NRG1: variants seen among roughly 807,000 people sequenced by gnomAD.
The protein encoded by NRG1 is neuregulin 1, also known as pro-neuregulin-1, membrane-bound isoform.
A neutral mutation model predicts 63.8 loss-of-function variants in NRG1; 18 were observed. The ratio of observed to expected loss-of-function variants is 0.28; its 90% CI spans 0.19 to 0.42. NRG1 has a LOEUF of 0.42. NRG1 is among the 10% of genes least tolerant of loss of function. NRG1 has a pLI of 1.00. For synonymous variants in NRG1, 302 were observed against 301.3 expected, an observed-to-expected ratio of 1.00 and a Z score of -0.02; for missense variants, 762 against 814.7, an observed-to-expected ratio of 0.94 and a Z score of 0.79.
intron 1 of NRG1, among the ~76,000 whole-genome samples, chr8:31,678,174 C>A (rs1041925440): frequency 6.6e-6 from 1 of 152,074 alleles, no homozygotes; most frequent in African/African-American, 2.4e-5. Context: ...CACAGGGCAG[C>A]ATTTTCTAAT....
At chr8:32,253,687 A>G (rs147871893) in intron 1 of NRG1, among the ~76,000 whole-genome samples, 24,877 of 152,168 alleles carry the variant, frequency 0.16, 2,196 homozygotes, top group East Asian at 0.28. Flanking sequence ...TTTTGCTATC[A>G]GGATGATGCT....
At chr8:32,618,979 A>C (rs768541440) in intron 5 of NRG1, among the ~76,000 whole-genome samples, 15 of 152,142 alleles carry the variant, frequency 9.9e-5, no homozygotes, top group Admixed American at 5.9e-4. Context: ...TTGGGAGGCC[A>C]AGGCGGGAAG....
intron 5 of NRG1, among the ~76,000 whole-genome samples, chr8:32,727,727 T>G (rs1200093495): frequency 1.3e-5 from 2 of 152,222 alleles, no homozygotes; most frequent in South Asian, 4.1e-4. Context: ...TATTTAGTTA[T>G]AGTAAAATTA....
intron 1 of NRG1, among the ~76,000 whole-genome samples, chr8:32,595,174 C>CTTTTTAT (rs750201296): frequency 6.6e-6 from 1 of 151,990 alleles, no homozygotes; most frequent in Non-Finnish European, 1.5e-5. Flanking sequence ...ACATATTCTC[C>CTTTTTAT]TTTTTATTTT....
intron 1 of NRG1, among the ~76,000 whole-genome samples, chr8:31,892,292 A>G (rs892266840): frequency 1.3e-5 from 2 of 152,098 alleles, no homozygotes; most frequent in Admixed American, 1.3e-4. Flanking sequence ...AGCATAATGA[A>G]TCTACCAGTC....
intron 1 of NRG1, among the ~76,000 whole-genome samples, chr8:31,754,278 A>G (rs1816754560): frequency 6.6e-6 from 1 of 152,116 alleles, no homozygotes; most frequent in Non-Finnish European, 1.5e-5. Flanking sequence ...AGGTAACTAA[A>G]TTATAGGGAT....
chr8:32,419,033 C>A (rs1041299229), intron 1 of NRG1, among the ~76,000 whole-genome samples: 2 of 152,168 alleles, frequency 1.3e-5, no homozygotes, highest in Non-Finnish European at 2.9e-5. Context: ...AAAATAGGTT[C>A]TTCTCAACAC....
intron 1 of NRG1, among the ~76,000 whole-genome samples, chr8:31,886,426 A>G (rs1830720658): frequency 6.6e-6 from 1 of 152,140 alleles, no homozygotes; most frequent in African/African-American, 2.4e-5. Context: ...TTGTATGATT[A>G]CAAAATAAAT....
At chr8:31,764,782 A>T (rs913217641) in intron 1 of NRG1, among the ~76,000 whole-genome samples, 2 of 151,812 alleles carry the variant, frequency 1.3e-5, no homozygotes, top group African/African-American at 4.8e-5. Context: ...GTACATGTGC[A>T]CATTGTGCAG....
chr8:32,513,243 C>T (rs898134504), intron 1 of NRG1, among the ~76,000 whole-genome samples: 1 of 150,688 alleles, frequency 6.6e-6, no homozygotes, highest in Non-Finnish European at 1.5e-5. Context: ...TCTTTTTAGT[C>T]GTTCTTTTTT....
chr8:32,226,212 C>T (rs899333964), intron 1 of NRG1, among the ~76,000 whole-genome samples: 1 of 152,124 alleles, frequency 6.6e-6, no homozygotes, highest in East Asian at 1.9e-4. Context: ...CTGATTTGGC[C>T]AACTTTTTCT....
chr8:31,837,255 A>G (rs913730702), intron 1 of NRG1, among the ~76,000 whole-genome samples: 1 of 152,044 alleles, frequency 6.6e-6, no homozygotes, highest in Non-Finnish European at 1.5e-5. Flanking sequence ...AAATTTTTAC[A>G]TAAACAGATA....
At chr8:32,762,665 A>G (rs868432358) in intron 11 of NRG1, among the ~76,000 whole-genome samples, 1 of 152,190 alleles carries the variant, frequency 6.6e-6, no homozygotes, top group Non-Finnish European at 1.5e-5. Context: ...ATGGCATTCC[A>G]TGTCATTTCA....
chr8:32,041,635 A>T (rs1248204944), intron 1 of NRG1, among the ~76,000 whole-genome samples: 1 of 152,176 alleles, frequency 6.6e-6, no homozygotes, highest in Non-Finnish European at 1.5e-5. Flanking sequence ...AGCTCTCAGG[A>T]CGAGAAAGTA....
chr8:32,299,558 C>T (rs1406318314), intron 1 of NRG1, among the ~76,000 whole-genome samples: 1 of 152,150 alleles, frequency 6.6e-6, no homozygotes, highest in Non-Finnish European at 1.5e-5. Context: ...AATAATTTCG[C>T]TCCCTGTGTT....
At chr8:32,430,156 T>C (rs1817944069) in intron 1 of NRG1, among the ~76,000 whole-genome samples, 1 of 152,170 alleles carries the variant, frequency 6.6e-6, no homozygotes, top group Non-Finnish European at 1.5e-5. Context: ...TAATGTAAGC[T>C]TGACTCATTC....
chr8:31,717,780 A>G (rs1812506971), intron 1 of NRG1, among the ~76,000 whole-genome samples: 1 of 152,146 alleles, frequency 6.6e-6, no homozygotes, highest in Non-Finnish European at 1.5e-5. Flanking sequence ...ACCTAGCTGA[A>G]TGAAAAATAA....
rs184024061 is a variant in NRG1 at position 31,872,696 on chromosome 8, G to A, written c.37+233265G>A. Among the ~76,000 whole-genome samples, 6 of 152,280 alleles carry A rather than the reference G, an allele frequency of 3.9e-5. No individual in the cohort carries two copies. The East Asian group carries it at 1.2e-3, about 29-fold the overall frequency. On this transcript the variant is annotated intron_variant, in intron 1 of 10. Coordinates refer to the NRG1 transcript ENST00000519301. Reference sequence around the variant, plus strand: ...AACCTCAATTTATTCAGTCTTCTGAGATAATGTAAGAGTAAAGCATGGAAA... The same window carrying A: ...AACCTCAATTTATTCAGTCTTCTGAAATAATGTAAGAGTAAAGCATGGAAA...
chr8:31,858,209 G>A (rs1736771998), intron 1 of NRG1, among the ~76,000 whole-genome samples: 1 of 151,976 alleles, frequency 6.6e-6, no homozygotes. Context: ...TGAGGCAGGA[G>A]AATGGCGTGA....
Sources: gnomAD v4.1 joint callset for allele counts (sites outside exome capture counted in the v4.1 genomes callset) on GRCh38, gnomAD v4.1.1 for gene constraint, MANE v1.5 for transcripts, NCBI Gene and HGNC (gene_info 2026-07-23, HGNC 2026-07-21) for gene names.